CHKA: variants seen among roughly 807,000 people sequenced by gnomAD.
CHKA encodes choline kinase alpha, also known as CHETK-alpha.
In CHKA, 34 loss-of-function variants were observed where a neutral mutation model predicts 60.1. The ratio of observed to expected loss-of-function variants is 0.57; its 90% confidence interval spans 0.43 to 0.75. CHKA has a LOEUF of 0.75. CHKA is among the 30% of genes least tolerant of loss of function. The pLI, the probability that CHKA is intolerant of heterozygous loss-of-function variation, is 0.00. For missense variants in CHKA, 563 were observed against 561.3 expected, an observed-to-expected ratio of 1.00 and a Z score of -0.03; for synonymous variants, 217 against 223.1, an observed-to-expected ratio of 0.97 and a Z score of 0.24.
At chr11:68,068,789 G>T in intron 7 of CHKA, 90 bp downstream of exon 7, 1 of 828,278 alleles carries the variant, frequency 1.2e-6, no homozygotes, top group Non-Finnish European at 2.1e-6. Flanking sequence ...TAATACTCTT[G>T]ATGCTACCTT....
chr11:68,083,253 C>A (rs751518217), intron 2 of CHKA, among the ~76,000 whole-genome samples: 1 of 152,132 alleles, frequency 6.6e-6, no homozygotes, highest in Admixed American at 6.5e-5. Context: ...ACGCAGCCAA[C>A]CAGTGATAGC....
Position 68,068,897 on chromosome 11 carries a change from G to T in CHKA, c.910C>A (p.His304Asn). ...ESTPSPVVFC[H>N]NDCQEGNILL... ...TTCTTACCTTCTTGACAGTCATTAT[G>T]ACAAAATACAACTGGAGATGGAGTA... The change falls in exon 7 of 12, where the codon CAT (histidine) becomes AAT (asparagine). Residue 304 changes from histidine (H) to asparagine (N), a missense_variant. Coordinates refer to ENST00000265689, the MANE Select transcript of CHKA (RefSeq NM_001277.3). 1 of 1,612,110 alleles carries T rather than the reference G, an allele frequency of 6.2e-7. No individual in the cohort carries two copies. The highest frequency in any genetic ancestry group is 1.1e-5 in the South Asian group (1 of 90,930).
intron 1 of CHKA, among the ~76,000 whole-genome samples, chr11:68,100,591 CAATAAATAAATACATAAATAAATA>C (rs1236560182): frequency 6.0e-5 from 6 of 100,744 alleles, no homozygotes; most frequent in South Asian, 3.9e-4. Flanking sequence ...ACATCATCTC[CAATAAATAAATACATAAATAAATA>C]AATAAATAAA....
rs1159922015 is a variant in CHKA, at chr11:68,074,897, T to A, written c.517-67A>T. 13 of 1,447,888 alleles carry A rather than the reference T, an allele frequency of 9.0e-6. No individual in the cohort carries two copies. The East Asian group carries it at 2.8e-4, about 31-fold the overall frequency. 89.7% of individuals were successfully genotyped at this position (1,447,888 alleles called of 1,614,324 possible). ...GCTAAGCGCCAGGCATCAGAAGCAC[T>A]CTCACAGGAGTGTTTCATCTGATCC... On this transcript the variant is annotated intron_variant, in intron 3 of 11. Transcript: ENST00000265689.
Position 68,068,932 on chromosome 11 carries a change from A to C in CHKA, c.875T>G (p.Leu292Trp). 6.2e-7 allele frequency: 1 copy of C among 1,611,538 alleles called. No individual in the cohort carries two copies. The change falls in exon 7 of 12, where the codon TTG (leucine) becomes TGG (tryptophan). Residue 292 changes from leucine (L) to tryptophan (W), a missense_variant. Transcript: ENST00000265689. The part of the protein sequence containing the change: ...LPLELENLRS[L>W]LESTPSPVVF... Reference sequence around the variant, plus strand: ...AACTGGAGATGGAGTAGATTCAAGCAATGATCTGAAAAGAAAGGTTTCACT... The same window carrying C: ...AACTGGAGATGGAGTAGATTCAAGCCATGATCTGAAAAGAAAGGTTTCACT...
chr11:68,068,228 G>T (rs184269610), intron 7 of CHKA, among the ~76,000 whole-genome samples: 167 of 152,242 alleles, frequency 1.1e-3, no homozygotes, highest in African/African-American at 3.9e-3. Context: ...GGTGCAGAAG[G>T]GGGAAGGGCC....
chr11:68,086,015 T>C (rs902195124), intron 2 of CHKA, among the ~76,000 whole-genome samples: 1 of 152,162 alleles, frequency 6.6e-6, no homozygotes, highest in Non-Finnish European at 1.5e-5. Context: ...TTCTACTTCA[T>C]GCTTTAAAAA....
chr11:68,115,018 T>C (rs571503650), intron 1 of CHKA, among the ~76,000 whole-genome samples: 1 of 152,240 alleles, frequency 6.6e-6, no homozygotes, highest in Non-Finnish European at 1.5e-5. Context: ...AAAGGTGATA[T>C]GTATTCGGAA....
At chr11:68,099,868 C>T (rs1461756866) in intron 1 of CHKA, among the ~76,000 whole-genome samples, 1 of 152,228 alleles carries the variant, frequency 6.6e-6, no homozygotes. Flanking sequence ...CCCCGTACTG[C>T]TAAAGAAGGA....
At chr11:68,070,909 G>C (rs1199094354) in intron 4 of CHKA, 52 bp from the exon 5 acceptor site, 1 of 1,564,126 alleles carries the variant, frequency 6.4e-7, no homozygotes, top group Non-Finnish European at 8.8e-7. Context: ...AAACTAAAAA[G>C]AGTGAGATCA....
intron 2 of CHKA, 161 bp from the exon 3 acceptor site, chr11:68,081,618 A>C: frequency 1.7e-6 from 1 of 594,382 alleles, no homozygotes. Context: ...ATGCACCAGC[A>C]GCCTCCAGCA....
intron 1 of CHKA, among the ~76,000 whole-genome samples, chr11:68,112,703 A>C (rs1358542857): frequency 1.3e-5 from 2 of 152,252 alleles, no homozygotes; most frequent in African/African-American, 4.8e-5. Flanking sequence ...ATATTTGCAA[A>C]AGACACATTT....
chr11:68,088,195 C>A (rs762445039), intron 2 of CHKA, among the ~76,000 whole-genome samples: 4 of 149,822 alleles, frequency 2.7e-5, no homozygotes, highest in Non-Finnish European at 5.9e-5. Flanking sequence ...AAATTTTGGT[C>A]TCGGAAAATA....
intron 1 of CHKA, among the ~76,000 whole-genome samples, chr11:68,113,620 G>A (rs12282027): frequency 0.019 from 2,898 of 152,082 alleles, 94 homozygotes; most frequent in African/African-American, 0.066. Context: ...GCTTGAACCC[G>A]GGAGGCGGAG....
chr11:68,085,238 T>G (rs1857143187), intron 2 of CHKA, among the ~76,000 whole-genome samples: 1 of 152,008 alleles, frequency 6.6e-6, no homozygotes, highest in African/African-American at 2.4e-5. Context: ...AAAAAAAAAA[T>G]TTGGAGACTG....
chr11:68,081,329 C>T, intron 3 of CHKA, 75 bp downstream of exon 3: 1 of 1,237,044 alleles, frequency 8.1e-7, no homozygotes, highest in Non-Finnish European at 1.2e-6. Flanking sequence ...GAGGCACTGC[C>T]AAGCCCTGGA....
chr11:68,059,986 T>C (rs995460214), intron 11 of CHKA, among the ~76,000 whole-genome samples: 1 of 152,028 alleles, frequency 6.6e-6, no homozygotes, highest in Non-Finnish European at 1.5e-5. Context: ...AGATCTCCCA[T>C]GTTTTTTGTT....
intron 11 of CHKA, 27 bp from the exon 12 acceptor site, chr11:68,054,074 A>G (rs748226236): frequency 6.2e-7 from 1 of 1,601,634 alleles, no homozygotes; most frequent in South Asian, 1.1e-5. Context: ...AGAAGGCCTC[A>G]GCAAGGAATC....
chr11:68,086,052 C>A (rs558806945), intron 2 of CHKA, among the ~76,000 whole-genome samples: 1 of 152,332 alleles, frequency 6.6e-6, no homozygotes, highest in East Asian at 1.9e-4. Context: ...CGGTGGCTCA[C>A]GCCTGTAATC....
Sources: gnomAD v4.1 joint callset for allele counts (sites outside exome capture counted in the v4.1 genomes callset) on GRCh38, gnomAD v4.1.1 for gene constraint, MANE v1.5 for transcripts, NCBI Gene and HGNC (gene_info 2026-07-23, HGNC 2026-07-21) for gene names.